Variants in SIPA1L1 observed in about 807,000 individuals in gnomAD.
SIPA1L1 encodes signal induced proliferation associated 1 like 1.
Under a neutral mutation model 162.7 loss-of-function variants are expected in SIPA1L1, and 26 were observed. The ratio of observed to expected loss-of-function variants is 0.16; its 90% CI spans 0.12 to 0.22. The LOEUF is 0.22. SIPA1L1 is among the 10% of genes least tolerant of loss of function. The pLI is 1.00. For missense variants in SIPA1L1, 1,874 were observed against 2,241.0 expected (o/e 0.84, Z 3.31); for synonymous variants, 829 against 837.4 (o/e 0.99, Z 0.17).
intron 2 of SIPA1L1, among the ~76,000 whole-genome samples, chr14:71,436,965 C>T (rs1009621117): frequency 4.6e-5 from 7 of 151,678 alleles, no homozygotes; most frequent in South Asian, 2.1e-4. Flanking sequence ...GGGGTTTCAC[C>T]GTCTTAGACA....
At chr14:71,327,275 G>C (rs545740050) in intron 2 of SIPA1L1, among the ~76,000 whole-genome samples, 1 of 151,640 alleles carries the variant, frequency 6.6e-6, no homozygotes, top group South Asian at 2.1e-4. Context: ...GTAGAGATGG[G>C]GTTTCACCAT....
intron 2 of SIPA1L1, among the ~76,000 whole-genome samples, chr14:71,432,787 T>A (rs1488414713): frequency 6.6e-6 from 1 of 152,254 alleles, no homozygotes; most frequent in Non-Finnish European, 1.5e-5. Context: ...TGCACATTTT[T>A]ATTTAATTTC....
chr14:71,376,784 C>CTTCAAGCATCGTTTCCA (rs1391699146), intron 2 of SIPA1L1, among the ~76,000 whole-genome samples: 1 of 152,080 alleles, frequency 6.6e-6, no homozygotes, highest in Non-Finnish European at 1.5e-5. Flanking sequence ...AGCATGCTGC[C>CTTCAAGCATCGTTTCCA]TTCAAGCATC....
At chr14:71,497,675 A>T (rs1259805663) in intron 2 of SIPA1L1, among the ~76,000 whole-genome samples, 4 of 152,234 alleles carry the variant, frequency 2.6e-5, no homozygotes. Context: ...AAGCTGTTGC[A>T]TGTATCAGTA....
chr14:71,329,691 T>G (rs947476724), intron 2 of SIPA1L1, among the ~76,000 whole-genome samples: 1 of 152,250 alleles, frequency 6.6e-6, no homozygotes, highest in Non-Finnish European at 1.5e-5. Context: ...GTTTCTCTGA[T>G]GATTGATGAA....
intron 9 of SIPA1L1, 93 bp downstream of exon 9, chr14:71,658,529 T>C: frequency 1.2e-6 from 1 of 815,386 alleles, no homozygotes; most frequent in East Asian, 2.6e-5. Flanking sequence ...AACCAGAATT[T>C]AGTGTTGCAC....
intron 4 of SIPA1L1, among the ~76,000 whole-genome samples, chr14:71,544,094 CACGCACATGTATGTATATACACAT>C (rs2054847186): frequency 7.0e-6 from 1 of 142,586 alleles, no homozygotes; most frequent in East Asian, 2.0e-4. Flanking sequence ...TGTATATACA[CACGCACATGTATGTATATACACAT>C]ATATGCACGT....
At chr14:71,402,817 A>C (rs770709752) in intron 2 of SIPA1L1, among the ~76,000 whole-genome samples, 3 of 152,220 alleles carry the variant, frequency 2.0e-5, no homozygotes, top group Non-Finnish European at 2.9e-5. Flanking sequence ...TTGGAAGACA[A>C]TTAGATATTT....
chr14:71,643,756 G>A (rs931311142), intron 7 of SIPA1L1, among the ~76,000 whole-genome samples: 15 of 152,084 alleles, frequency 9.9e-5, no homozygotes, highest in Admixed American at 9.2e-4. Flanking sequence ...AGATAATTGT[G>A]GATATTTTCC....
At chr14:71,705,450 T>C (rs2082369752) in intron 16 of SIPA1L1, 110 bp downstream of exon 16, 4 of 823,220 alleles carry the variant, frequency 4.9e-6, no homozygotes, top group Admixed American at 3.8e-5. Context: ...GAAATCATTC[T>C]GGCAAAGAGT....
At chr14:71,394,023 G>C (rs2040983549) in intron 2 of SIPA1L1, among the ~76,000 whole-genome samples, 1 of 152,238 alleles carries the variant, frequency 6.6e-6, no homozygotes, top group Admixed American at 6.5e-5. Context: ...AGCAAATCCT[G>C]TTCCTAGCTG....
intron 2 of SIPA1L1, among the ~76,000 whole-genome samples, chr14:71,466,136 A>G (rs1205874486): frequency 6.6e-6 from 1 of 152,186 alleles, no homozygotes; most frequent in Non-Finnish European, 1.5e-5. Flanking sequence ...TCATATATTG[A>G]ATGAGATCAT....
intron 12 of SIPA1L1, 34 bp from the exon 13 acceptor site, chr14:71,685,328 C>G (rs1468134600): frequency 6.2e-7 from 1 of 1,607,190 alleles, no homozygotes; most frequent in African/African-American, 1.3e-5. Flanking sequence ...AAGCAGTATC[C>G]ATTGTGTTTC....
intron 20 of SIPA1L1, among the ~76,000 whole-genome samples, chr14:71,731,297 C>T (rs1317235148): frequency 2.0e-5 from 3 of 151,932 alleles, no homozygotes; most frequent in South Asian, 4.2e-4. Flanking sequence ...CCACCCTGCT[C>T]GCCCCAAGGA....
intron 2 of SIPA1L1, 151 bp downstream of exon 2, chr14:71,321,332 G>A (rs1170423969): frequency 6.6e-6 from 1 of 152,414 alleles, no homozygotes; most frequent in East Asian, 1.9e-4. Flanking sequence ...TTGGTGGCTT[G>A]CTGGTAGCTT....
chr14:71,680,936 C>T (rs888219910), intron 12 of SIPA1L1, among the ~76,000 whole-genome samples: 2 of 152,182 alleles, frequency 1.3e-5, no homozygotes, highest in Admixed American at 1.3e-4. Context: ...CATCTTGATC[C>T]GTGGGGGTGG....
At chr14:71,664,077 C>T (rs1246926875) in intron 10 of SIPA1L1, among the ~76,000 whole-genome samples, 1 of 152,142 alleles carries the variant, frequency 6.6e-6, no homozygotes, top group African/African-American at 2.4e-5. Context: ...ATAAACAGGA[C>T]ACCTTTCTTC....
At chr14:71,650,753 A>G (rs1320906174) in intron 8 of SIPA1L1, among the ~76,000 whole-genome samples, 1 of 152,160 alleles carries the variant, frequency 6.6e-6, no homozygotes, top group Non-Finnish European at 1.5e-5. Flanking sequence ...GGGCAGTGAC[A>G]CAGATCGTGC....
chr14:71,384,056 G>A (rs1422384479), intron 2 of SIPA1L1, among the ~76,000 whole-genome samples: 1 of 152,152 alleles, frequency 6.6e-6, no homozygotes, highest in Non-Finnish European at 1.5e-5. Flanking sequence ...TTGTTAGGTG[G>A]CAGGGTCATT....
Sources: allele counts gnomAD v4.1 joint callset (sites outside exome capture counted in the v4.1 genomes callset), GRCh38; gene constraint gnomAD v4.1.1; transcripts MANE v1.5; gene names NCBI Gene and HGNC (gene_info 2026-07-23, HGNC 2026-07-21).